The following SRGAP3 variants were observed in gnomAD, a reference collection of about 807,000 sequenced individuals.
SRGAP3 encodes SLIT-ROBO Rho GTPase-activating protein 3.
Under a neutral mutation model 121.1 loss-of-function variants are expected in SRGAP3, and 39 were observed. The observed-to-expected ratio is 0.32, with a 90% CI of 0.25 to 0.42. The LOEUF is 0.42. SRGAP3 is among the 10% of genes least tolerant of loss of function. The probability of loss-of-function intolerance (pLI) is 1.00; values close to 1 mark genes in which losing one functional copy is unlikely to be tolerated. For synonymous variants in SRGAP3, 601 were observed against 570.0 expected, an observed-to-expected ratio of 1.05 and a Z score of -0.77; for missense variants, 1,213 against 1,470.6, an observed-to-expected ratio of 0.82 and a Z score of 2.86.
chr3:9,333,026 GA>G (rs1397033489), intron 1 of SRGAP3, among the ~76,000 whole-genome samples: 12 of 152,054 alleles, frequency 7.9e-5, no homozygotes, highest in Non-Finnish European at 1.0e-4. Context: ...ATGGCAGGGG[GA>G]AAAAATACGC....
chr3:9,242,179 G>T (rs531555696), intron 1 of SRGAP3, among the ~76,000 whole-genome samples: 2 of 151,348 alleles, frequency 1.3e-5, no homozygotes, highest in Admixed American at 6.6e-5. Context: ...CATGGCTAAA[G>T]GCAGCTGTCT....
upstream of SRGAP3, among the ~76,000 whole-genome samples, chr3:9,252,617 C>T (rs1258341572): frequency 2.6e-5 from 4 of 152,106 alleles, no homozygotes; most frequent in Admixed American, 2.0e-4. Flanking sequence ...CACAATAAAC[C>T]CACATCATCT....
chr3:9,228,978 C>T (rs1186002251), intron 1 of SRGAP3, among the ~76,000 whole-genome samples: 4 of 147,674 alleles, frequency 2.7e-5, no homozygotes, highest in African/African-American at 1.0e-4. Flanking sequence ...AGGAGAATGG[C>T]GTGAACCCGG....
chr3:9,222,139 A>T (rs920965394), intron 1 of SRGAP3, among the ~76,000 whole-genome samples: 3 of 152,224 alleles, frequency 2.0e-5, no homozygotes, highest in African/African-American at 7.2e-5. Flanking sequence ...TCACAGACAA[A>T]TGAGAGAGAG....
chr3:9,118,017 G>A (rs1035332590), intron 2 of SRGAP3, among the ~76,000 whole-genome samples: 5 of 151,756 alleles, frequency 3.3e-5, no homozygotes, highest in Admixed American at 6.6e-5. Context: ...CTGTAGTCCC[G>A]GTTACTTGGG....
At chr3:9,216,148 T>G (rs1952613225) in intron 1 of SRGAP3, among the ~76,000 whole-genome samples, 1 of 152,190 alleles carries the variant, frequency 6.6e-6, no homozygotes. Flanking sequence ...GTATGCACAC[T>G]GCAGATGTAT....
At position 8,985,888 on chromosome 3, in the gene SRGAP3, T is replaced by C; in HGVS notation, c.2931A>G (p.Glu977=). Residue 977 remains glutamate (E), a synonymous_variant, in exon 22 of 22, where the codon GAA becomes GAG. Transcript: ENST00000383836. The surrounding 1 kb of genome is among the most constrained non-coding windows in gnomAD (Gnocchi z 5.1). ...TMSTALHELR[E]LERQNTVKQA... ...GCTTGACCGTGTTCTGCCTCTCGAG[T>C]TCCCGCAACTCGTGCAGAGCCGTGC... 1 of 1,599,330 alleles carries C rather than the reference T, an allele frequency of 6.3e-7. No homozygotes were observed. The highest frequency in any genetic ancestry group is 8.5e-7 in the Non-Finnish European group (1 of 1,179,748).
intron 3 of SRGAP3, among the ~76,000 whole-genome samples, chr3:9,266,772 C>G (rs4684635): frequency 0.27 from 40,836 of 152,054 alleles, 6,731 homozygotes; most frequent in Middle Eastern, 0.36. Context: ...GGCAATACCC[C>G]CTGTGAGGAG....
At chr3:9,110,322 G>A (rs1435559186) in intron 2 of SRGAP3, among the ~76,000 whole-genome samples, 2 of 152,130 alleles carry the variant, frequency 1.3e-5, no homozygotes, top group Non-Finnish European at 1.5e-5. Flanking sequence ...TGATGAGTTC[G>A]AGTCGAACAC....
intron 3 of SRGAP3, among the ~76,000 whole-genome samples, chr3:9,093,254 T>A (rs1402196808): frequency 2.0e-5 from 3 of 152,256 alleles, no homozygotes; most frequent in Admixed American, 6.5e-5. Flanking sequence ...TGTCATTTTA[T>A]AACCTGATCT....
At chr3:9,106,725 A>G (rs2124920113) in intron 2 of SRGAP3, among the ~76,000 whole-genome samples, 1 of 152,236 alleles carries the variant, frequency 6.6e-6, no homozygotes, top group African/African-American at 2.4e-5. Flanking sequence ...ACCTCCCACC[A>G]TGATTCTGAG....
At chr3:9,061,203 G>C (rs1211314333) in intron 5 of SRGAP3, among the ~76,000 whole-genome samples, 4 of 152,180 alleles carry the variant, frequency 2.6e-5, no homozygotes, top group African/African-American at 9.7e-5. Context: ...CTGCACTCCA[G>C]GTCTAGGTGA....
chr3:9,180,211 T>C (rs774446488), intron 1 of SRGAP3, among the ~76,000 whole-genome samples: 3 of 152,136 alleles, frequency 2.0e-5, no homozygotes, highest in East Asian at 1.9e-4. Context: ...GGGAACAAGA[T>C]TGAGGAGGGA....
intron 7 of SRGAP3, 129 bp from the exon 8 acceptor site, chr3:9,056,463 C>CT: frequency 1.1e-6 from 1 of 944,402 alleles, no homozygotes; most frequent in Non-Finnish European, 1.6e-6. Context: ...GTTGAGTGAC[C>CT]TGCTCAAGGT....
intron 1 of SRGAP3, among the ~76,000 whole-genome samples, chr3:9,159,838 C>G (rs1047973141): frequency 6.6e-6 from 1 of 152,020 alleles, no homozygotes; most frequent in Admixed American, 6.6e-5. Context: ...TCACCCTGCC[C>G]GTTATTTTTT....
intron 4 of SRGAP3, among the ~76,000 whole-genome samples, chr3:9,072,929 T>C (rs1018589368): frequency 7.9e-5 from 12 of 152,226 alleles, no homozygotes; most frequent in Middle Eastern, 3.2e-3. Context: ...TGAGGATCCT[T>C]TGATTACATC....
At chr3:9,255,750 G>A (rs182040852) in intron 3 of SRGAP3, among the ~76,000 whole-genome samples, 2 of 152,292 alleles carry the variant, frequency 1.3e-5, no homozygotes, top group Admixed American at 6.5e-5. Flanking sequence ...CAAAGTCAAC[G>A]TGTGTCTGCT....
At chr3:9,110,731 A>G (rs1948593387) in intron 2 of SRGAP3, among the ~76,000 whole-genome samples, 1 of 152,236 alleles carries the variant, frequency 6.6e-6, no homozygotes, top group African/African-American at 2.4e-5. Flanking sequence ...CCTGTGGGGC[A>G]GGTCATTTGT....
chr3:9,057,063 CTGTT>C (rs569017386), intron 7 of SRGAP3, among the ~76,000 whole-genome samples: 341 of 152,164 alleles, frequency 2.2e-3, no homozygotes, highest in Middle Eastern at 3.4e-3. Flanking sequence ...TGTTTATTTG[CTGTT>C]TGTTTGTTTG....
Sources: gnomAD v4.1 joint callset for allele counts (sites outside exome capture counted in the v4.1 genomes callset) on GRCh38, gnomAD v4.1.1 for gene constraint, Gnocchi (gnomAD v3.1) non-coding constraint, MANE v1.5 for transcripts, NCBI Gene and HGNC (gene_info 2026-07-23, HGNC 2026-07-21) for gene names.